Variants in LRRC8D observed in about 807,000 individuals in gnomAD.
LRRC8D encodes the protein volume-regulated anion channel subunit LRRC8D.
A neutral mutation model predicts 55.8 loss-of-function variants in LRRC8D; 20 were observed. The observed-to-expected ratio is 0.36, with a 90% CI of 0.25 to 0.52. LRRC8D has a LOEUF of 0.52. LRRC8D is among the 20% of genes least tolerant of loss of function. LRRC8D has a pLI of 0.93. For missense variants in LRRC8D, 651 were observed against 1,030.8 expected (o/e 0.63, Z 5.05); for synonymous variants, 352 against 377.0 (o/e 0.93, Z 0.77).
rs543777412 is a variant in LRRC8D, at chr1:89,884,342, G to A, written c.-3+40560G>A. 1.7e-4 allele frequency among the ~76,000 whole-genome samples: 26 copies of A among 152,262 alleles called. No individual in the cohort carries two copies. The South Asian group carries it at 1.9e-3, about 11-fold the overall frequency. On this transcript the variant is annotated intron_variant, in intron 2 of 2. Coordinates refer to ENST00000337338, the MANE Select transcript of LRRC8D (RefSeq NM_001134479.2). ...CTGACATTAGTCACTGAAGGAAAAC[G>A]CCCACATAATAATAAAAATAATACC... is the stretch of plus-strand genomic sequence containing the variant.
intron 1 of LRRC8D, among the ~76,000 whole-genome samples, chr1:89,827,516 A>C (rs1168528186): frequency 6.6e-6 from 1 of 152,196 alleles, no homozygotes; most frequent in African/African-American, 2.4e-5. Flanking sequence ...TTGCTGCTAG[A>C]ATGTAAGCTT....
At chr1:89,907,951 TG>T (rs1438729974) in intron 2 of LRRC8D, among the ~76,000 whole-genome samples, 2 of 152,238 alleles carry the variant, frequency 1.3e-5, no homozygotes, top group Non-Finnish European at 2.9e-5. Flanking sequence ...CCCTGAAATG[TG>T]AGTGGCTTTC....
chr1:89,924,365 G>A (rs1663500738), intron 2 of LRRC8D, among the ~76,000 whole-genome samples: 1 of 152,118 alleles, frequency 6.6e-6, no homozygotes, highest in Non-Finnish European at 1.5e-5. Flanking sequence ...CAAAAAGTCA[G>A]TGAGATACCC....
rs77964026 is a variant in LRRC8D, at chr1:89,841,218, G to A, written c.-147-2420G>A. 7.6e-3 allele frequency among the ~76,000 whole-genome samples: 1,154 copies of A among 152,250 alleles called. 18 individuals carry two copies. Among genetic ancestry groups the A allele is most frequent in the African/African-American group, 0.026 (1,085 of 41,548 alleles). ...TAGTAAGAAGCCCTCCTTAGACTGC[G>A]AGTGCCTAGTGGACAGGAATGCATC... On this transcript the variant is annotated intron_variant, in intron 1 of 2. Coordinates refer to ENST00000337338, the MANE Select transcript of LRRC8D (RefSeq NM_001134479.2).
rs552121547 is a variant in LRRC8D, at chr1:89,828,076, C to G, written c.-148+6785C>G. On this transcript the variant is annotated intron_variant, in intron 1 of 2. Coordinates refer to ENST00000337338, the MANE Select transcript of LRRC8D (RefSeq NM_001134479.2). ...AATGTGCAGCTCAGCTCAGAACCAC[C>G]ATCTTAGTAGTTGTGCACGAAGGCT... 9.8e-5 allele frequency among the ~76,000 whole-genome samples: 15 copies of G among 152,326 alleles called. No individual in the cohort carries two copies. In the South Asian group the frequency reaches 3.1e-3, roughly 32 times the overall value.
intron 2 of LRRC8D, among the ~76,000 whole-genome samples, chr1:89,914,264 ACCAAGCCCACGC>A (rs907774438): frequency 2.6e-4 from 40 of 152,218 alleles, no homozygotes; most frequent in Admixed American, 1.6e-3. Flanking sequence ...TGCGGGGCCC[ACCAAGCCCACGC>A]CCACCCGGAA....
intron 2 of LRRC8D, among the ~76,000 whole-genome samples, chr1:89,860,785 A>AAAATATATATATATATAT (rs1553123917): frequency 3.5e-5 from 1 of 28,176 alleles, no homozygotes; most frequent in African/African-American, 1.0e-4. Flanking sequence ...AAAAAAAAAA[A>AAAATATATATATATATAT]ATATATATAT....
intron 2 of LRRC8D, among the ~76,000 whole-genome samples, chr1:89,878,491 A>G (rs1359909983): frequency 6.6e-6 from 1 of 152,184 alleles, no homozygotes; most frequent in African/African-American, 2.4e-5. Flanking sequence ...GTCTTTTCTA[A>G]TTCTGGATTG....
intron 1 of LRRC8D, among the ~76,000 whole-genome samples, chr1:89,822,593 AAGAG>A (rs1169555350): frequency 1.3e-5 from 2 of 152,136 alleles, no homozygotes; most frequent in Non-Finnish European, 2.9e-5. Flanking sequence ...CGGACTTTGG[AAGAG>A]TCTGGACAGG....
chr1:89,846,124 T>G (rs1661272917), intron 2 of LRRC8D, among the ~76,000 whole-genome samples: 1 of 152,110 alleles, frequency 6.6e-6, no homozygotes, highest in African/African-American at 2.4e-5. Flanking sequence ...CCCCCCAGTT[T>G]ATTAATTTAT....
chr1:89,924,373 C>T, intron 2 of LRRC8D, among the ~76,000 whole-genome samples: 1 of 152,124 alleles, frequency 6.6e-6, no homozygotes, highest in East Asian at 1.9e-4. Flanking sequence ...CAGTGAGATA[C>T]CCTCTCACAC....
intron 2 of LRRC8D, among the ~76,000 whole-genome samples, chr1:89,859,136 C>G (rs1426840559): frequency 6.6e-6 from 1 of 151,984 alleles, no homozygotes; most frequent in Non-Finnish European, 1.5e-5. Flanking sequence ...TTCTGGGATG[C>G]TTATTAAGAT....
chr1:89,867,888 G>A (rs1362338196), intron 2 of LRRC8D, among the ~76,000 whole-genome samples: 1 of 152,170 alleles, frequency 6.6e-6, no homozygotes, highest in Admixed American at 6.5e-5. Context: ...ATTCTTCAAG[G>A]ATACTAATTG....
At chr1:89,828,091 G>A (rs1660805508) in intron 1 of LRRC8D, among the ~76,000 whole-genome samples, 1 of 152,196 alleles carries the variant, frequency 6.6e-6, no homozygotes, top group South Asian at 2.1e-4. Context: ...TAGTAGTTGT[G>A]CACGAAGGCT....
At chr1:89,929,778 A>G (rs1214981087) in intron 2 of LRRC8D, 1 of 152,294 alleles carries the variant, frequency 6.6e-6, no homozygotes, top group Non-Finnish European at 1.5e-5. Flanking sequence ...CAACATCATT[A>G]CTGAATATCA....
intron 2 of LRRC8D, among the ~76,000 whole-genome samples, chr1:89,849,402 G>T (rs1661356715): frequency 1.3e-5 from 2 of 151,950 alleles, no homozygotes; most frequent in Admixed American, 1.3e-4. Flanking sequence ...TGGATCATAG[G>T]ATATATGCGT....
Position 89,935,382 on chromosome 1 carries a change from T to A in LRRC8D, c.2314T>A (p.Phe772Ile). The change falls in exon 3 of 3, where the codon TTT becomes ATT. Residue 772 changes from phenylalanine (F) to isoleucine (I), a missense_variant. Physicochemically the swap from Phe to Ile is conservative, Grantham distance 21 (BLOSUM62 0). Around this residue, in one of 5 missense-constraint regions of LRRC8D, gnomAD observed 338 missense variants for 479.4 expected, o/e 0.71. Transcript: ENST00000337338. ...AGTGGACATTCTGCCAAAACAATTG[T>A]TTAAATGCATAAAGTTGAGGACTTT... ...NKVDILPKQL[F>I]KCIKLRTLNL... 6.2e-7 allele frequency: 1 copy of A among 1,614,230 alleles called. No individual in the cohort carries two copies. The highest frequency in any genetic ancestry group is 8.5e-7 in the Non-Finnish European group (1 of 1,180,034).
intron 2 of LRRC8D, among the ~76,000 whole-genome samples, chr1:89,871,652 ATACCT>A (rs1285327530): frequency 6.6e-6 from 1 of 152,216 alleles, no homozygotes; most frequent in African/African-American, 2.4e-5. Context: ...TACTAACAAA[ATACCT>A]TAACTGTCAT....
At chr1:89,827,487 T>C (rs563423616) in intron 1 of LRRC8D, among the ~76,000 whole-genome samples, 7 of 152,282 alleles carry the variant, frequency 4.6e-5, no homozygotes, top group African/African-American at 1.7e-4. Context: ...TAATGATACC[T>C]ACCTAGAATG....
Sources: gnomAD v4.1 joint callset for allele counts (sites outside exome capture counted in the v4.1 genomes callset) on GRCh38, gnomAD v4.1.1 for gene constraint, gnomAD v4.1.1 regional missense constraint, MANE v1.5 for transcripts, NCBI Gene and HGNC (gene_info 2026-07-23, HGNC 2026-07-21) for gene names.